TFAP2A: variants seen among roughly 807,000 people sequenced by gnomAD.
TFAP2A encodes transcription factor AP-2-alpha.
TFAP2A carries 7 observed loss-of-function variants against 41.5 expected under a neutral mutation model. The observed-to-expected ratio is 0.17, with a 90% CI of 0.10 to 0.32. The LOEUF (loss-of-function observed/expected upper bound fraction) is 0.32. TFAP2A is among the 10% of genes least tolerant of loss of function. TFAP2A has a pLI of 1.00. For missense variants in TFAP2A, 416 were observed against 563.3 expected (o/e 0.74, Z 2.65); for synonymous variants, 247 against 242.8 (o/e 1.02, Z -0.16).
intron 4 of TFAP2A, 123 bp from the exon 5 acceptor site, chr6:10,402,733 ACAT>A: frequency 1.3e-6 from 1 of 783,944 alleles, no homozygotes; most frequent in Non-Finnish European, 2.2e-6. Flanking sequence ...TGGCCCCAAG[ACAT>A]TTAAAGGAGG....
intron 3 of TFAP2A, 49 bp from the exon 4 acceptor site, chr6:10,404,788 C>A (rs776516420): frequency 2.6e-6 from 4 of 1,547,664 alleles, no homozygotes; most frequent in Admixed American, 1.7e-5. Flanking sequence ...GGATCACCCC[C>A]AAATCCTGCC....
upstream of TFAP2A, among the ~76,000 whole-genome samples, chr6:10,417,924 C>T (rs1414126830): frequency 1.3e-5 from 2 of 152,246 alleles, no homozygotes; most frequent in African/African-American, 2.4e-5. Context: ...GCCAAACCTA[C>T]TCAACAGGCA....
chr6:10,414,261 C>T (rs954627500), intron 1 of TFAP2A, among the ~76,000 whole-genome samples: 1 of 152,288 alleles, frequency 6.6e-6, no homozygotes, highest in East Asian at 1.9e-4. Context: ...CCGTGGGGTG[C>T]GTCGATCCTG....
intron 2 of TFAP2A, chr6:10,409,530 C>A: frequency 3.7e-6 from 1 of 267,552 alleles, no homozygotes; most frequent in Non-Finnish European, 7.3e-6. Flanking sequence ...AACATCATTC[C>A]CAGGACAGGG....
intron 2 of TFAP2A, chr6:10,409,567 T>G: frequency 6.9e-6 from 2 of 291,434 alleles, no homozygotes; most frequent in Admixed American, 4.8e-5. Context: ...GACTCAGCGA[T>G]GGAAGTAGAT....
intron 1 of TFAP2A, among the ~76,000 whole-genome samples, chr6:10,414,079 G>T (rs1425304150): frequency 3.3e-5 from 5 of 152,222 alleles, no homozygotes; most frequent in Non-Finnish European, 7.3e-5. Context: ...TTTAAAATGG[G>T]TTCCAAAGCG....
intron 4 of TFAP2A, 62 bp downstream of exon 4, chr6:10,404,446 G>A (rs1757590882): frequency 1.6e-6 from 2 of 1,255,664 alleles, no homozygotes; most frequent in Admixed American, 4.0e-5. Flanking sequence ...CACCGCCCCG[G>A]CGCAAGCGCA....
chr6:10,410,166 G>A lies in TFAP2A; in HGVS notation c.221C>T (p.Pro74Leu). The change falls in exon 2 of 7, where the codon CCT becomes CTT. Residue 74 changes from proline (P) to leucine (L), a missense_variant. Pro to Leu is a moderately conservative substitution (Grantham distance 98). Transcript: ENST00000379613. The stretch of plus-strand genomic sequence containing the variant: ...GTAGGGGTCGTTGACGTGGGAGTAA[G>A]GATCTTGCGACTGGGGGTAGATAGG... Reference protein sequence around the residue: ...YQPIYPQSQDPYSHVNDPYSL... With the variant: ...YQPIYPQSQDLYSHVNDPYSL... 1.2e-6 allele frequency: 2 copies of A among 1,602,506 alleles called. No homozygotes were observed. The highest frequency in any genetic ancestry group is 1.7e-6 in the Non-Finnish European group (2 of 1,174,554).
chr6:10,414,746 A>G, intron 1 of TFAP2A, 195 bp downstream of exon 1: 1 of 762,722 alleles, frequency 1.3e-6, no homozygotes, highest in Non-Finnish European at 2.2e-6. Context: ...GGGAAACCAA[A>G]GAAGGGAGCA....
upstream of TFAP2A, chr6:10,419,282 G>T: frequency 9.7e-7 from 1 of 1,030,536 alleles, no homozygotes; most frequent in Non-Finnish European, 1.5e-6. Context: ...GAGCTCTCCT[G>T]GGCGCTGCCA....
rs1757895008 is a variant in TFAP2A, at chr6:10,410,156, G to A, written c.231C>T (p.His77=). Residue 77 remains histidine, a synonymous_variant, in exon 2 of 7, where the codon CAC becomes CAT. Transcript: ENST00000379613. ...IYPQSQDPYS[H]VNDPYSLNPL... is the part of the protein sequence containing the mutation. The stretch of plus-strand genomic sequence containing the variant: ...GGTTCAGGCTGTAGGGGTCGTTGAC[G>A]TGGGAGTAAGGATCTTGCGACTGGG... The A allele has an allele frequency of 6.2e-7, 1 of 1,609,880 alleles. No homozygotes were observed. Among genetic ancestry groups the A allele is most frequent in the Non-Finnish European group, 8.5e-7 (1 of 1,178,934 alleles).
chr6:10,417,646 A>C (rs1280038406), upstream of TFAP2A, among the ~76,000 whole-genome samples: 1 of 152,150 alleles, frequency 6.6e-6, no homozygotes, highest in East Asian at 1.9e-4. Context: ...ACAGAGTCAC[A>C]AAGAGAAAGA....
At chr6:10,414,799 C>G (rs1758173339) in intron 1 of TFAP2A, 142 bp downstream of exon 1, 1 of 1,136,320 alleles carries the variant, frequency 8.8e-7, no homozygotes, top group South Asian at 1.3e-5. Flanking sequence ...GTTCTTCGGG[C>G]GAATCCGAGG....
At position 10,404,572 on chromosome 6, in the gene TFAP2A, C is replaced by T; in HGVS notation, c.706G>A (p.Val236Met). The change falls in exon 4 of 7, where the codon GTG (valine) becomes ATG (methionine). Residue 236 changes from valine to methionine, a missense_variant. Physicochemically the swap from Val to Met is conservative, Grantham distance 21. Transcript: ENST00000379613. ...TSKYKVTVAE[V>M]QRRLSPPECL... ...TCGGGTGGTGAGAGCCGCCGCTGCACTTCCGCCACCGTGACCTTGTACTTC... is the reference window on the plus strand; with the variant it reads ...TCGGGTGGTGAGAGCCGCCGCTGCATTTCCGCCACCGTGACCTTGTACTTC... The T allele has an allele frequency of 6.2e-7, 1 of 1,614,098 alleles. No homozygotes were observed. The highest frequency in any genetic ancestry group is 8.5e-7 in the Non-Finnish European group (1 of 1,179,980).
upstream of TFAP2A, chr6:10,418,055 C>T (rs962912302): frequency 2.6e-5 from 4 of 152,188 alleles, no homozygotes; most frequent in African/African-American, 9.7e-5. Context: ...TAGGAAGGGC[C>T]TTTAGCCCAC....
In TFAP2A at chr6:10,398,415, C is replaced by T. The variant is rs757896248; in HGVS notation, c.*2G>A. On this transcript the variant is annotated 3_prime_UTR_variant, in exon 7 of 7. Coordinates refer to ENST00000379613, the MANE Select transcript of TFAP2A (RefSeq NM_001372066.1). This position sits in a 1 kb window ranked among gnomAD's most constrained non-coding sequence, Gnocchi z 5.3. ...TGGGAGGGGCGGGGCGGGAGGAGAG[C>T]CTCACTTTCTGTGCTTCTCCTCTTT... is the stretch of plus-strand genomic sequence containing the variant. 6.2e-7 allele frequency: 1 copy of T among 1,613,638 alleles called. No homozygotes were observed. The highest frequency in any genetic ancestry group is 8.5e-7 in the Non-Finnish European group (1 of 1,180,012).
intron 4 of TFAP2A, among the ~76,000 whole-genome samples, chr6:10,403,528 A>G (rs1757517450): frequency 1.3e-5 from 2 of 152,252 alleles, no homozygotes; most frequent in Admixed American, 6.5e-5. Context: ...TATAGCCACT[A>G]GAAAGGAACT....
Position 10,412,230 on chromosome 6 carries a change from G to C in TFAP2A, c.52-1895C>G, listed in dbSNP as rs547892972. ...GAGAGAGGGAGCGGGCGAGCGCGCG[G>C]GGGGCCGCGGCGCGGCGTCTGGCGA... On this transcript the variant is annotated intron_variant, in intron 1 of 6. Coordinates refer to ENST00000379613, the MANE Select transcript of TFAP2A (RefSeq NM_001372066.1). 172 of 988,138 alleles carry C rather than the reference G, an allele frequency of 1.7e-4. 1 individual carries two copies. The Middle Eastern group carries it at 2.6e-3, about 15-fold the overall frequency. 61.2% of individuals were successfully genotyped at this position (988,138 alleles called of 1,614,324 possible). A position where few individuals can be genotyped will look rare whatever the true frequency, so the allele number is the denominator to read the frequency against.
intron 1 of TFAP2A, chr6:10,412,203 G>A: frequency 1.0e-6 from 1 of 987,346 alleles, no homozygotes; most frequent in Non-Finnish European, 1.2e-6. Flanking sequence ...CAAAAAGCGA[G>A]CGAGAGAGGG....
Sources: allele counts gnomAD v4.1 joint callset (sites outside exome capture counted in the v4.1 genomes callset), GRCh38; gene constraint gnomAD v4.1.1; non-coding constraint Gnocchi (gnomAD v3.1); transcripts MANE v1.5; gene names NCBI Gene and HGNC (gene_info 2026-07-23, HGNC 2026-07-21).